UNC5B: variants seen among roughly 807,000 people sequenced by gnomAD.
UNC5B encodes the protein netrin receptor UNC5B.
UNC5B carries 56 observed loss-of-function variants against 103.7 expected under a neutral mutation model. The observed-to-expected ratio is 0.54, with a 90% confidence interval of 0.44 to 0.67. The LOEUF (loss-of-function observed/expected upper bound fraction) is 0.67, where lower values mean the gene tolerates loss of function less well. Ranked by LOEUF, UNC5B falls within the 30% of genes least tolerant of loss-of-function variation. The pLI, the probability that UNC5B is intolerant of heterozygous loss-of-function variation, is 0.00. For missense variants in UNC5B, 1,194 were observed against 1,284.5 expected, an observed-to-expected ratio of 0.93 and a Z score of 1.08; for synonymous variants, 577 against 542.0, an observed-to-expected ratio of 1.06 and a Z score of -0.90.
rs937956838 is a variant in UNC5B, at chr10:71,295,678, C to T, written c.2176-133C>T. On this transcript the variant is annotated intron_variant, in intron 13 of 16. Coordinates refer to ENST00000335350, the MANE Select transcript of UNC5B (RefSeq NM_170744.5). ...TCTATTCATCTTCTCACACCATAAG[C>T]CCTCTGTGAGCTCTTGCAAATGCCC... 8.0e-5 allele frequency: 82 copies of T among 1,019,022 alleles called. 2 individuals carry two copies. The South Asian group carries it at 9.4e-4, about 12-fold the overall frequency. 63.1% of individuals were successfully genotyped at this position (1,019,022 alleles called of 1,614,324 possible). A position where few individuals can be genotyped will look rare whatever the true frequency, so the allele number is the denominator to read the frequency against.
intron 1 of UNC5B, chr10:71,217,075 A>G (rs1006800061): frequency 2.0e-5 from 3 of 152,780 alleles, no homozygotes; most frequent in Non-Finnish European, 4.4e-5. Flanking sequence ...GATGGCCCCC[A>G]GAGGGTAGGG....
At chr10:71,254,256 C>T (rs193294388) in intron 1 of UNC5B, among the ~76,000 whole-genome samples, 11 of 152,360 alleles carry the variant, frequency 7.2e-5, no homozygotes, top group African/African-American at 2.4e-4. Flanking sequence ...AGTCTTCTCC[C>T]GTCACAAGAC....
At chr10:71,216,640 T>G (rs907820326) in intron 1 of UNC5B, among the ~76,000 whole-genome samples, 1 of 152,138 alleles carries the variant, frequency 6.6e-6, no homozygotes, top group Non-Finnish European at 1.5e-5. Flanking sequence ...ATTCAAAGCT[T>G]TAGGAGCCAG....
chr10:71,235,002 C>A (rs971859505), intron 1 of UNC5B, among the ~76,000 whole-genome samples: 23 of 152,130 alleles, frequency 1.5e-4, no homozygotes, highest in African/African-American at 5.6e-4. Context: ...GCCAGCCCTT[C>A]CCACCCCCAG....
In UNC5B at chr10:71,274,829, G is replaced by A. The variant is rs16928585; in HGVS notation, c.80-4992G>A. ...ACCTACGCTCTGCTTTAGGACCACC[G>A]TATAGCAATGGCAAGGAAAGTGACC... On this transcript the variant is annotated intron_variant, in intron 1 of 16. Transcript: ENST00000335350. Among the ~76,000 whole-genome samples the A allele has an allele frequency of 3.3e-3, 501 of 152,292 alleles. 17 individuals carry two copies. In the East Asian group the frequency reaches 0.069, roughly 21 times the overall value.
chr10:71,212,979 C>A lies in UNC5B; in HGVS notation c.-7C>A. ...GGGGAGAGGCGCCCGAACCAGGCCG[C>A]GGGAGCATGGGGGCCCGGAGCGGAG... On this transcript the variant is annotated 5_prime_UTR_variant, in exon 1 of 17. Transcript: ENST00000335350. 1 of 1,367,316 alleles carries A rather than the reference C, an allele frequency of 7.3e-7. No homozygotes were observed. 84.7% of individuals were successfully genotyped at this position (1,367,316 alleles called of 1,614,324 possible).
In UNC5B at chr10:71,287,743, C is replaced by T. The variant is rs373979938; in HGVS notation, c.879C>T (p.Thr293=). ...AFCEGQAFQK[T]ACTTICPVDG... ...GCGAGGGCCAGGCATTCCAGAAGAC[C>T]GCCTGCACCACCATCTGCCCAGGTA... Residue 293 remains threonine, a synonymous_variant, in exon 6 of 17, where the codon ACC becomes ACT. Transcript: ENST00000335350. 76 of 1,612,646 alleles carry T rather than the reference C, an allele frequency of 4.7e-5. No homozygotes were observed. Among genetic ancestry groups the T allele is most frequent in the Non-Finnish European group, 5.6e-5 (66 of 1,179,306 alleles).
intron 1 of UNC5B, among the ~76,000 whole-genome samples, chr10:71,235,870 G>A (rs1360843125): frequency 6.6e-6 from 1 of 152,220 alleles, no homozygotes; most frequent in Non-Finnish European, 1.5e-5. Flanking sequence ...TAGACAGAGG[G>A]ACCCATGTGG....
At chr10:71,236,192 T>A (rs1843771485) in intron 1 of UNC5B, among the ~76,000 whole-genome samples, 1 of 152,196 alleles carries the variant, frequency 6.6e-6, no homozygotes, top group Non-Finnish European at 1.5e-5. Context: ...TTACAGTAGG[T>A]GCCCCATAAG....
At chr10:71,235,090 GACT>G (rs1554861014) in intron 1 of UNC5B, among the ~76,000 whole-genome samples, 1 of 86,832 alleles carries the variant, frequency 1.2e-5, no homozygotes, top group Non-Finnish European at 3.2e-5. Context: ...CGCTGCCTCT[GACT>G]CTGCCTCTGC....
intron 8 of UNC5B, among the ~76,000 whole-genome samples, chr10:71,290,606 ACT>A (rs1845222194): frequency 6.6e-6 from 1 of 152,076 alleles, no homozygotes; most frequent in Non-Finnish European, 1.5e-5. Context: ...AGCCCCAGTG[ACT>A]CTGAGCCACA....
intron 16 of UNC5B, among the ~76,000 whole-genome samples, chr10:71,298,773 C>G (rs1845510452): frequency 2.0e-5 from 3 of 152,178 alleles, no homozygotes; most frequent in Admixed American, 2.0e-4. Context: ...GTCATTCTCT[C>G]TTGGGGCCAG....
chr10:71,212,981 G>A lies in UNC5B; in HGVS notation c.-5G>A. ...GGAGAGGCGCCCGAACCAGGCCGCG[G>A]GAGCATGGGGGCCCGGAGCGGAGCT... On this transcript the variant is annotated 5_prime_UTR_variant, in exon 1 of 17. Transcript: ENST00000335350. 4.4e-6 allele frequency: 6 copies of A among 1,373,448 alleles called. No individual in the cohort carries two copies. Among genetic ancestry groups the A allele is most frequent in the South Asian group, 1.8e-5 (1 of 55,014 alleles). The allele number at this position is 1,373,448 out of a possible 1,614,324, so 85.1% of individuals were successfully genotyped here.
intron 1 of UNC5B, among the ~76,000 whole-genome samples, chr10:71,227,812 G>C (rs557447120): frequency 6.6e-6 from 1 of 151,440 alleles, no homozygotes; most frequent in Non-Finnish European, 1.5e-5. Context: ...CTTTCAGTAA[G>C]ATCAGTAATA....
At position 71,213,675 on chromosome 10, in the gene UNC5B, A is replaced by AATTATTATTATTATTATTATT. The variant is rs5786026; in HGVS notation, c.79+625_79+645dup. On this transcript the variant is annotated intron_variant, in intron 1 of 16. Coordinates refer to ENST00000335350, the MANE Select transcript of UNC5B (RefSeq NM_170744.5). This position sits in a 1 kb window ranked among gnomAD's most constrained non-coding sequence, Gnocchi z 4.1. ...ATCGCTGGGCCCGCAGGTCTGGAAG[A>AATTATTATTATTATTATTATT]ATTATTATTATTATTATTATTATTA... 2.5e-4 allele frequency among the ~76,000 whole-genome samples: 33 copies of AATTATTATTATTATTATTATT among 133,258 alleles called. No homozygotes were observed. Among genetic ancestry groups the AATTATTATTATTATTATTATT allele is most frequent in the East Asian group, 1.1e-3 (5 of 4,418 alleles). 87.4% of individuals were successfully genotyped at this position (133,258 alleles called of 152,430 possible).
chr10:71,239,071 G>C (rs1439048125), intron 1 of UNC5B, among the ~76,000 whole-genome samples: 1 of 152,068 alleles, frequency 6.6e-6, no homozygotes, highest in Non-Finnish European at 1.5e-5. Context: ...GAGAGGGTGG[G>C]TTCAGATTTG....
At position 71,279,837 on chromosome 10, in the gene UNC5B, C is replaced by T. The variant is rs80333477; in HGVS notation, c.96C>T (p.Ser32=). ...RLSQAGTDSG[S]EVLPDSFPSA... The stretch of plus-strand genomic sequence containing the variant: ...ACTCTGCAGGCACTGATTCTGGCAG[C>T]GAGGTGCTCCCTGACTCCTTCCCGT... The change falls in exon 2 of 17, where the codon AGC becomes AGT. Residue 32 remains serine, a synonymous_variant. Coordinates refer to ENST00000335350, the MANE Select transcript of UNC5B (RefSeq NM_170744.5). 3,819 of 1,613,410 alleles carry T rather than the reference C, an allele frequency of 2.4e-3. 76 individuals are homozygous for T. In the African/African-American group the frequency reaches 0.046, roughly 19 times the overall value.
rs534731130 is a variant in UNC5B at position 71,298,536 on chromosome 10, G to GGATAAATATAAGGCCAATGAT, written c.2672+447_2672+467dup. ...GAACCTCAAATGCTGGATAAGTGCT[G>GGATAAATATAAGGCCAATGAT]GATAAATATAAGGCCAATGATAATA... On this transcript the variant is annotated intron_variant, in intron 16 of 16. Transcript: ENST00000335350. 5.3e-3 allele frequency among the ~76,000 whole-genome samples: 804 copies of GGATAAATATAAGGCCAATGAT among 152,012 alleles called. 5 individuals are homozygous for GGATAAATATAAGGCCAATGAT. The highest frequency in any genetic ancestry group is 0.024 in the Middle Eastern group (7 of 294).
intron 1 of UNC5B, among the ~76,000 whole-genome samples, chr10:71,266,215 G>A (rs1844519436): frequency 6.6e-6 from 1 of 152,106 alleles, no homozygotes; most frequent in African/African-American, 2.4e-5. Flanking sequence ...TCAGAGGCAG[G>A]GGGTGGTTCC....
Sources: allele counts gnomAD v4.1 joint callset (sites outside exome capture counted in the v4.1 genomes callset), GRCh38; gene constraint gnomAD v4.1.1; non-coding constraint Gnocchi (gnomAD v3.1); transcripts MANE v1.5; gene names NCBI Gene and HGNC (gene_info 2026-07-23, HGNC 2026-07-21).